Variants in PRKAR2A observed in about 807,000 individuals in gnomAD.
PRKAR2A encodes the protein protein kinase cAMP-dependent type II regulatory subunit alpha.
A neutral mutation model predicts 51.9 loss-of-function variants in PRKAR2A; 29 were observed. The ratio of observed to expected loss-of-function variants is 0.56; its 90% CI spans 0.42 to 0.76. PRKAR2A has a LOEUF of 0.76. Among genes scored for constraint, PRKAR2A ranks in the 30% least tolerant of loss-of-function variants. The pLI is 0.00. For missense variants in PRKAR2A, 445 were observed against 512.1 expected, an observed-to-expected ratio of 0.87 and a Z score of 1.26; for synonymous variants, 178 against 186.2, an observed-to-expected ratio of 0.96 and a Z score of 0.36.
At chr3:48,753,900 C>CT (rs11389036) in intron 9 of PRKAR2A, among the ~76,000 whole-genome samples, 132,520 of 136,770 alleles carry the variant, frequency 0.97, 64,307 homozygotes, top group Middle Eastern at 0.99. Flanking sequence ...CTATTGTTTT[C>CT]TTTTTTTTTT....
chr3:48,822,752 A>G (rs1294607557), intron 1 of PRKAR2A, among the ~76,000 whole-genome samples: 1 of 134,460 alleles, frequency 7.4e-6, no homozygotes, highest in Admixed American at 7.8e-5. Flanking sequence ...CTTTGAGACA[A>G]GATCTCGTTC....
At chr3:48,829,828 T>C (rs1403565752) in intron 1 of PRKAR2A, among the ~76,000 whole-genome samples, 11 of 124,296 alleles carry the variant, frequency 8.8e-5, no homozygotes, top group Non-Finnish European at 1.7e-4. Flanking sequence ...TGTATATACA[T>C]ACATATATAT....
chr3:48,765,745 AAAAG>A (rs2081931549), intron 6 of PRKAR2A, among the ~76,000 whole-genome samples: 1 of 150,528 alleles, frequency 6.6e-6, no homozygotes, highest in Non-Finnish European at 1.5e-5. Flanking sequence ...AAAAAAAAAA[AAAAG>A]AGACACCTCA....
At chr3:48,824,128 C>T (rs1196732867) in intron 1 of PRKAR2A, among the ~76,000 whole-genome samples, 2 of 152,156 alleles carry the variant, frequency 1.3e-5, no homozygotes, top group African/African-American at 4.8e-5. Flanking sequence ...GTAATCACAG[C>T]TACTCGGGAG....
intron 2 of PRKAR2A, among the ~76,000 whole-genome samples, chr3:48,807,062 C>T (rs1357002151): frequency 2.6e-5 from 4 of 152,112 alleles, no homozygotes; most frequent in African/African-American, 4.8e-5. Context: ...TGAGCCACCG[C>T]GCCTGGACAG....
At chr3:48,760,121 A>C (rs932510553) in intron 8 of PRKAR2A, among the ~76,000 whole-genome samples, 2 of 152,226 alleles carry the variant, frequency 1.3e-5, no homozygotes. Flanking sequence ...TGGAAGGCCA[A>C]GGCGGACAGA....
At chr3:48,806,644 A>G (rs11130176) in intron 2 of PRKAR2A, among the ~76,000 whole-genome samples, 100,443 of 151,894 alleles carry the variant, frequency 0.66, 33,903 homozygotes, top group East Asian at 0.96. Flanking sequence ...CAAAAGGTCA[A>G]AAACTTGGAT....
At chr3:48,752,696 G>GC (rs1356484450) in intron 9 of PRKAR2A, among the ~76,000 whole-genome samples, 1 of 151,498 alleles carries the variant, frequency 6.6e-6, no homozygotes, top group African/African-American at 2.4e-5. Context: ...AATCCCCCAT[G>GC]CCCCCCACAT....
In PRKAR2A at chr3:48,776,817, G is replaced by C. The variant is rs190080128; in HGVS notation, c.543-3709C>G. ...GATCGCACCATTGCACTCCAGCCTG[G>C]GTGGCAGAGTGAGACTCTATCTCAA... On this transcript the variant is annotated intron_variant, in intron 5 of 10. Transcript: ENST00000265563. Among the ~76,000 whole-genome samples, 346 of 152,162 alleles carry C rather than the reference G, an allele frequency of 2.3e-3. 1 individual carries two copies. The highest frequency in any genetic ancestry group is 0.017 in the Middle Eastern group (5 of 294).
intron 1 of PRKAR2A, among the ~76,000 whole-genome samples, chr3:48,843,212 T>C (rs2083407427): frequency 6.6e-6 from 1 of 152,220 alleles, no homozygotes; most frequent in Non-Finnish European, 1.5e-5. Flanking sequence ...GTGTTTGTAG[T>C]ATTCTCTGAT....
chr3:48,778,614 G>A (rs540887177), intron 5 of PRKAR2A, among the ~76,000 whole-genome samples: 1 of 152,140 alleles, frequency 6.6e-6, no homozygotes, highest in African/African-American at 2.4e-5. Context: ...CTGCCTCCCG[G>A]GTTCAAGTTA....
At chr3:48,831,436 G>A (rs910731269) in intron 1 of PRKAR2A, among the ~76,000 whole-genome samples, 20 of 143,438 alleles carry the variant, frequency 1.4e-4, no homozygotes, top group Middle Eastern at 7.0e-3. Context: ...GCATGATCAC[G>A]GCTCACTGTA....
rs933302696 is a variant in PRKAR2A, at chr3:48,798,980, T to C, written c.299-4931A>G. ...CCAGCCTCCCTTTTCTTTTGAACCC[T>C]GGACTTACCTCTCTTTGCCCTCTTC... On this transcript the variant is annotated intron_variant, in intron 2 of 10. Transcript: ENST00000265563. Among the ~76,000 whole-genome samples the C allele has an allele frequency of 1.1e-4, 17 of 152,194 alleles. 1 individual carries two copies. Among genetic ancestry groups the C allele is most frequent in the Admixed American group, 7.9e-4 (12 of 15,268 alleles).
intron 1 of PRKAR2A, among the ~76,000 whole-genome samples, chr3:48,836,419 T>TAAAAAAAAAAAAAAAAAAAAAAAAAAAA (rs548970318): frequency 1.4e-4 from 8 of 56,092 alleles, no homozygotes; most frequent in Admixed American, 4.1e-4. Context: ...AGACTCCGTC[T>TAAAAAAAAAAAAAAAAAAAAAAAAAAAA]AAAAAAAAAA....
chr3:48,767,011 A>C (rs1341794782), intron 6 of PRKAR2A, among the ~76,000 whole-genome samples: 1 of 152,202 alleles, frequency 6.6e-6, no homozygotes, highest in Non-Finnish European at 1.5e-5. Flanking sequence ...GAAGACAGTT[A>C]ACCAAACCAG....
chr3:48,808,807 G>A (rs1179963147), intron 1 of PRKAR2A, among the ~76,000 whole-genome samples: 4 of 118,326 alleles, frequency 3.4e-5, no homozygotes, highest in African/African-American at 1.0e-4. Context: ...GTGAGCCACC[G>A]CGCCTGGCCT....
At chr3:48,805,307 G>C (rs1034456195) in intron 2 of PRKAR2A, among the ~76,000 whole-genome samples, 1 of 152,196 alleles carries the variant, frequency 6.6e-6, no homozygotes, top group African/African-American at 2.4e-5. Context: ...CCCATTTCCT[G>C]TCAGTGTTAC....
At chr3:48,845,194 G>A (rs1211203463) in intron 1 of PRKAR2A, among the ~76,000 whole-genome samples, 2 of 152,154 alleles carry the variant, frequency 1.3e-5, no homozygotes, top group African/African-American at 2.4e-5. Context: ...GAAAATCTGA[G>A]ATCAAACAGG....
At chr3:48,788,197 AT>A (rs1346535291) in intron 4 of PRKAR2A, among the ~76,000 whole-genome samples, 2 of 151,926 alleles carry the variant, frequency 1.3e-5, no homozygotes, top group African/African-American at 4.8e-5. Flanking sequence ...CGCCCAGCTA[AT>A]TTTTGTATTT....
Sources: allele counts gnomAD v4.1 joint callset (sites outside exome capture counted in the v4.1 genomes callset), GRCh38; gene constraint gnomAD v4.1.1; transcripts MANE v1.5; gene names NCBI Gene and HGNC (gene_info 2026-07-23, HGNC 2026-07-21).